The following MAPK10 variants were observed in gnomAD, a reference collection of about 807,000 sequenced individuals.
The protein encoded by MAPK10 is JNK3 alpha protein kinase.
In MAPK10, 25 loss-of-function variants were observed where a neutral mutation model predicts 59.3. The ratio of observed to expected loss-of-function variants is 0.42; its 90% CI spans 0.31 to 0.59. The LOEUF (loss-of-function observed/expected upper bound fraction) is 0.59, where lower values mean the gene tolerates loss of function less well. Ranked by LOEUF, MAPK10 falls within the 20% of genes least tolerant of loss-of-function variation. MAPK10 has a pLI of 0.15. For missense variants in MAPK10, 351 were observed against 568.9 expected (o/e 0.62, Z 3.90); for synonymous variants, 190 against 200.5 (o/e 0.95, Z 0.44).
chr4:86,289,067 A>C (rs897362596), intron 2 of MAPK10, among the ~76,000 whole-genome samples: 2 of 152,224 alleles, frequency 1.3e-5, no homozygotes, highest in Non-Finnish European at 2.9e-5. Context: ...ACACTGGTAC[A>C]GAATTATATT....
chr4:86,135,792 A>T (rs905931123), intron 4 of MAPK10, among the ~76,000 whole-genome samples: 5 of 152,162 alleles, frequency 3.3e-5, no homozygotes, highest in Admixed American at 3.3e-4. Flanking sequence ...TTTGAAAAAA[A>T]TTTAGAAGAA....
intron 2 of MAPK10, among the ~76,000 whole-genome samples, chr4:86,237,028 C>G (rs186300705): frequency 6.6e-6 from 1 of 151,878 alleles, no homozygotes; most frequent in South Asian, 2.1e-4. Context: ...GTGTGTTGTT[C>G]CCCTCTGTGT....
At chr4:86,350,456 C>T (rs1022224772) in intron 2 of MAPK10, among the ~76,000 whole-genome samples, 15 of 152,084 alleles carry the variant, frequency 9.9e-5, no homozygotes, top group Admixed American at 5.2e-4. Flanking sequence ...CCTCGTGATC[C>T]GCCCACCTCG....
In MAPK10 at chr4:86,013,754, G is replaced by A. The variant is rs1337556533; in HGVS notation, c.*3474C>T. On this transcript the variant is annotated 3_prime_UTR_variant, in exon 14 of 14. Coordinates refer to ENST00000641462, the MANE Select transcript of MAPK10 (RefSeq NM_138982.4). ...CTGATAACAGATTGAAAAAACTATC[G>A]AGCTTCTTAACCCTCAATTAAATAG... 1.3e-5 allele frequency: 2 copies of A among 151,960 alleles called. No homozygotes were observed. The highest frequency in any genetic ancestry group is 2.4e-5 in the African/African-American group (1 of 41,346). 9.4% of individuals were successfully genotyped at this position (151,960 alleles called of 1,614,324 possible). A position where few individuals can be genotyped will look rare whatever the true frequency, so the allele number is the denominator to read the frequency against.
intron 1 of MAPK10, among the ~76,000 whole-genome samples, chr4:86,424,749 A>T (rs936497606): frequency 1.3e-5 from 2 of 152,162 alleles, no homozygotes; most frequent in African/African-American, 2.4e-5. Context: ...AGGGTAGCAT[A>T]GGTCCAGGGC....
chr4:86,040,546 G>A (rs1160872557), intron 11 of MAPK10, among the ~76,000 whole-genome samples: 1 of 152,130 alleles, frequency 6.6e-6, no homozygotes, highest in Non-Finnish European at 1.5e-5. Flanking sequence ...AGACAAAGGG[G>A]TAGGAAGTAT....
chr4:86,201,210 G>A (rs905358823), intron 2 of MAPK10, among the ~76,000 whole-genome samples: 1 of 151,866 alleles, frequency 6.6e-6, no homozygotes, highest in East Asian at 1.9e-4. Context: ...ATATTCCATT[G>A]TGTATATGTA....
At chr4:86,499,856 T>C (rs1755169019) in intron 1 of MAPK10, among the ~76,000 whole-genome samples, 1 of 152,092 alleles carries the variant, frequency 6.6e-6, no homozygotes. Context: ...CCTTTCTGCT[T>C]CCTCCCTGAT....
intron 1 of MAPK10, among the ~76,000 whole-genome samples, chr4:86,466,275 A>G (rs1450318725): frequency 6.6e-6 from 1 of 152,224 alleles, no homozygotes; most frequent in African/African-American, 2.4e-5. Context: ...TGGAATCATT[A>G]TTGATTGGTC....
chr4:86,211,527 A>C (rs1307072258), intron 2 of MAPK10, among the ~76,000 whole-genome samples: 2 of 152,148 alleles, frequency 1.3e-5, no homozygotes, highest in African/African-American at 2.4e-5. Context: ...TTTCCAGATA[A>C]AAGCTGAAAG....
At chr4:86,195,651 C>T (rs112029942) in intron 2 of MAPK10, among the ~76,000 whole-genome samples, 8,028 of 152,126 alleles carry the variant, frequency 0.053, 575 homozygotes, top group African/African-American at 0.16. Context: ...ATACATGTGC[C>T]ATGGTGGTTT....
At chr4:86,103,276 A>G in intron 5 of MAPK10, 32 bp from the exon 6 acceptor site, 1 of 1,084,160 alleles carries the variant, frequency 9.2e-7, no homozygotes, top group South Asian at 1.3e-5. Flanking sequence ...AGAGGAAACG[A>G]GAGAAAGAAA....
intron 2 of MAPK10, among the ~76,000 whole-genome samples, chr4:86,328,506 T>C (rs1296551658): frequency 2.6e-5 from 4 of 152,172 alleles, no homozygotes; most frequent in Non-Finnish European, 4.4e-5. Context: ...ACTGGGTATA[T>C]ACCCAAAGGA....
intron 6 of MAPK10, chr4:86,102,966 T>C (rs1277832884): frequency 3.4e-5 from 13 of 377,118 alleles, no homozygotes; most frequent in Non-Finnish European, 5.7e-5. Flanking sequence ...AGGCAGAATG[T>C]CTTTCCAGGA....
chr4:86,113,904 T>C (rs932013963), intron 4 of MAPK10, among the ~76,000 whole-genome samples: 4 of 152,206 alleles, frequency 2.6e-5, no homozygotes, highest in Admixed American at 2.0e-4. Context: ...AGAAGTTTTG[T>C]TCATTCCTTT....
chr4:86,463,717 T>C (rs1169404167), intron 1 of MAPK10, among the ~76,000 whole-genome samples: 1 of 152,226 alleles, frequency 6.6e-6, no homozygotes, highest in Admixed American at 6.5e-5. Context: ...TAATTGGATA[T>C]GACCTGCTCT....
intron 1 of MAPK10, among the ~76,000 whole-genome samples, chr4:86,579,895 C>A (rs1029981699): frequency 3.0e-4 from 46 of 152,082 alleles, no homozygotes; most frequent in African/African-American, 1.0e-3. Context: ...CTCACTGTAA[C>A]CTCAAACTCC....
chr4:86,485,139 C>T (rs769382742), intron 1 of MAPK10, among the ~76,000 whole-genome samples: 1 of 152,128 alleles, frequency 6.6e-6, no homozygotes, highest in African/African-American at 2.4e-5. Flanking sequence ...CTGTTACCCC[C>T]ACCTCCCTTT....
chr4:86,381,162 A>T (rs1740648321), intron 1 of MAPK10, among the ~76,000 whole-genome samples: 1 of 152,214 alleles, frequency 6.6e-6, no homozygotes, highest in Non-Finnish European at 1.5e-5. Flanking sequence ...TACTGGGGCC[A>T]CATTCCAACC....
Sources: allele counts gnomAD v4.1 joint callset (sites outside exome capture counted in the v4.1 genomes callset), GRCh38; gene constraint gnomAD v4.1.1; transcripts MANE v1.5; gene names NCBI Gene and HGNC (gene_info 2026-07-23, HGNC 2026-07-21).